FARS2: variants seen among roughly 807,000 people sequenced by gnomAD.
FARS2 encodes phenylalanine--tRNA ligase, mitochondrial.
In FARS2, 40 loss-of-function variants were observed where a neutral mutation model predicts 46.4. The observed-to-expected ratio is 0.86, with a 90% CI of 0.67 to 1.12. FARS2 has a LOEUF of 1.12. Ranked by LOEUF, FARS2 falls within the 50% of genes most tolerant of loss-of-function variation. FARS2 has a pLI of 0.00. For synonymous variants in FARS2, 234 were observed against 214.9 expected (o/e 1.09, Z -0.78); for missense variants, 513 against 567.9 (o/e 0.90, Z 0.98).
At chr6:5,660,478 C>G (rs1475279698) in intron 6 of FARS2, among the ~76,000 whole-genome samples, 1 of 151,924 alleles carries the variant, frequency 6.6e-6, no homozygotes, top group Non-Finnish European at 1.5e-5. Flanking sequence ...AGACCCCCAT[C>G]TCTACAAAAA....
rs143294369 is a variant in FARS2 at position 5,472,462 on chromosome 6, C to T, written c.904+41290C>T. On this transcript the variant is annotated intron_variant, in intron 4 of 6. Coordinates refer to ENST00000274680, the MANE Select transcript of FARS2 (RefSeq NM_006567.5). ...GGAAAAATGGGAAAACAAAAAGGAG[C>T]AGGAGAGAATAATGCTGCAGAATGG... Among the ~76,000 whole-genome samples the T allele has an allele frequency of 3.7e-3, 567 of 152,250 alleles. 4 individuals are homozygous for T. The highest frequency in any genetic ancestry group is 0.013 in the African/African-American group (541 of 41,532).
chr6:5,426,951 A>T (rs1762889279), intron 3 of FARS2, among the ~76,000 whole-genome samples: 2 of 152,330 alleles, frequency 1.3e-5, no homozygotes, highest in African/African-American at 4.8e-5. Flanking sequence ...TTAAATTGTT[A>T]AAATGTGTAA....
At chr6:5,324,537 C>T (rs1048393232) in intron 1 of FARS2, among the ~76,000 whole-genome samples, 13 of 147,184 alleles carry the variant, frequency 8.8e-5, no homozygotes, top group African/African-American at 3.2e-4. Context: ...TTTCAACCAT[C>T]ATCCCTTTAT....
chr6:5,579,741 T>G (rs1168242674), intron 5 of FARS2, among the ~76,000 whole-genome samples: 24 of 152,200 alleles, frequency 1.6e-4, no homozygotes, highest in Non-Finnish European at 3.5e-4. Flanking sequence ...GTTGAGTTAT[T>G]AATGATTTCT....
Position 5,650,842 on chromosome 6 carries a change from A to T in FARS2, c.1217+37522A>T, listed in dbSNP as rs9504476. ...AGGCCCCACGTTTCCCTGGAGAGGG[A>T]GTGTGCTCCAATGGGAAGGGTTGGA... On this transcript the variant is annotated intron_variant, in intron 6 of 6. Coordinates refer to ENST00000274680, the MANE Select transcript of FARS2 (RefSeq NM_006567.5). Among the ~76,000 whole-genome samples the T allele has an allele frequency of 3.9e-3, 593 of 152,038 alleles. 1 individual carries two copies. The highest frequency in any genetic ancestry group is 0.014 in the African/African-American group (567 of 41,464).
intron 6 of FARS2, among the ~76,000 whole-genome samples, chr6:5,618,224 T>G (rs1394945920): frequency 6.6e-6 from 1 of 152,182 alleles, no homozygotes; most frequent in African/African-American, 2.4e-5. Flanking sequence ...TTGAAGACTC[T>G]GACTCCCAAA....
intron 4 of FARS2, among the ~76,000 whole-genome samples, chr6:5,480,507 C>T (rs1355075217): frequency 6.6e-6 from 1 of 152,172 alleles, no homozygotes; most frequent in Non-Finnish European, 1.5e-5. Flanking sequence ...CAAAGATTAC[C>T]TAATGGCATA....
chr6:5,358,509 A>C (rs1055439789), intron 1 of FARS2, among the ~76,000 whole-genome samples: 4 of 152,184 alleles, frequency 2.6e-5, no homozygotes, highest in Non-Finnish European at 5.9e-5. Flanking sequence ...AGAGAGAGAG[A>C]AAGCCAGAGT....
At chr6:5,390,460 A>G (rs528431724) in intron 2 of FARS2, among the ~76,000 whole-genome samples, 13 of 152,304 alleles carry the variant, frequency 8.5e-5, no homozygotes, top group Admixed American at 4.6e-4. Flanking sequence ...CTCAAGTTCT[A>G]CTGTTACTTC....
chr6:5,559,651 G>T (rs976325430), intron 5 of FARS2, among the ~76,000 whole-genome samples: 1 of 151,936 alleles, frequency 6.6e-6, no homozygotes, highest in African/African-American at 2.4e-5. Flanking sequence ...TTGGAAATTT[G>T]TTGAGCAAAT....
At chr6:5,335,260 G>A (rs377746656) in intron 1 of FARS2, among the ~76,000 whole-genome samples, 1 of 152,144 alleles carries the variant, frequency 6.6e-6, no homozygotes, top group East Asian at 1.9e-4. Flanking sequence ...GCTCCCATCT[G>A]ATTCTTTGTG....
At chr6:5,662,330 T>C (rs1777888872) in intron 6 of FARS2, among the ~76,000 whole-genome samples, 1 of 152,248 alleles carries the variant, frequency 6.6e-6, no homozygotes, top group Non-Finnish European at 1.5e-5. Flanking sequence ...TTGCAGGGAC[T>C]TCCCCATGAA....
chr6:5,591,535 G>C (rs1013161100), intron 5 of FARS2, among the ~76,000 whole-genome samples: 8 of 152,194 alleles, frequency 5.3e-5, no homozygotes, highest in African/African-American at 1.7e-4. Context: ...GGTGCCTGCT[G>C]GCATGTCCAC....
intron 3 of FARS2, among the ~76,000 whole-genome samples, chr6:5,424,466 G>C (rs1043101770): frequency 2.4e-4 from 36 of 152,174 alleles, no homozygotes; most frequent in African/African-American, 7.0e-4. Context: ...AAAGGACTGA[G>C]GGCGTGCTCT....
At chr6:5,464,762 C>T (rs911913651) in intron 4 of FARS2, among the ~76,000 whole-genome samples, 4 of 152,048 alleles carry the variant, frequency 2.6e-5, no homozygotes, top group African/African-American at 9.7e-5. Flanking sequence ...AACCACAAAC[C>T]AGAGAAAAGT....
intron 6 of FARS2, among the ~76,000 whole-genome samples, chr6:5,709,702 ATGCACG>A (rs1319247476): frequency 2.6e-3 from 28 of 10,892 alleles, no homozygotes; most frequent in Middle Eastern, 0.071. Context: ...GTGTGTGCGC[ATGCACG>A]TGCATGTTGG....
At chr6:5,676,862 A>G (rs1167204626) in intron 6 of FARS2, among the ~76,000 whole-genome samples, 1 of 152,214 alleles carries the variant, frequency 6.6e-6, no homozygotes, top group East Asian at 1.9e-4. Flanking sequence ...TTCTGCAATC[A>G]ATATAGACAG....
At chr6:5,498,519 C>T (rs878920736) in intron 4 of FARS2, among the ~76,000 whole-genome samples, 5 of 152,280 alleles carry the variant, frequency 3.3e-5, no homozygotes, top group East Asian at 1.9e-4. Flanking sequence ...TGTTCATCAC[C>T]GTGTCTCTAA....
intron 1 of FARS2, among the ~76,000 whole-genome samples, chr6:5,267,197 G>C (rs1765609265): frequency 6.7e-6 from 1 of 149,338 alleles, no homozygotes; most frequent in Non-Finnish European, 1.5e-5. Context: ...CATTGTAAAG[G>C]AAAGAAACCA....
Sources: gnomAD v4.1 joint callset for allele counts (sites outside exome capture counted in the v4.1 genomes callset) on GRCh38, gnomAD v4.1.1 for gene constraint, MANE v1.5 for transcripts, NCBI Gene and HGNC (gene_info 2026-07-23, HGNC 2026-07-21) for gene names.